Variants in VKORC1L1 observed in about 807,000 individuals in gnomAD.
VKORC1L1 encodes vitamin K epoxide reductase complex subunit 1-like protein 1.
A neutral mutation model predicts 18.9 loss-of-function variants in VKORC1L1; 2 were observed. The observed-to-expected ratio is 0.11, with a 90% CI of 0.04 to 0.33. The LOEUF (loss-of-function observed/expected upper bound fraction) is 0.33. Ranked by LOEUF, VKORC1L1 falls within the 10% of genes least tolerant of loss-of-function variation. The pLI is 1.00. For synonymous variants in VKORC1L1, 96 were observed against 100.0 expected, an observed-to-expected ratio of 0.96 and a Z score of 0.24; for missense variants, 123 against 224.1, an observed-to-expected ratio of 0.55 and a Z score of 2.88.
intron 1 of VKORC1L1, among the ~76,000 whole-genome samples, chr7:65,876,808 G>A (rs961932137): frequency 6.6e-6 from 1 of 152,284 alleles, no homozygotes; most frequent in South Asian, 2.1e-4. Flanking sequence ...AGTTTGGGAC[G>A]CTGACACCTG....
intron 1 of VKORC1L1, among the ~76,000 whole-genome samples, chr7:65,921,587 G>T (rs113013442): frequency 1.3e-5 from 2 of 152,112 alleles, no homozygotes; most frequent in East Asian, 1.9e-4. Context: ...GATGGCTCAC[G>T]CCTGCAATCC....
chr7:65,873,272 CGGAGGCGGCGGT>C lies in VKORC1L1; in HGVS notation c.-97_-86del. The C allele has an allele frequency of 5.1e-6, 5 of 989,720 alleles. No homozygotes were observed. Among genetic ancestry groups the C allele is most frequent in the South Asian group, 4.5e-5 (1 of 21,996 alleles). 61.3% of individuals were successfully genotyped at this position (989,720 alleles called of 1,614,324 possible). ...GCGGCGGCGGTGGTGGCGGCGGCGG[CGGAGGCGGCGGT>C]GGCGGCGGTGGCGGCTGGGTCGGGC... On this transcript the variant is annotated 5_prime_UTR_variant, in exon 1 of 3. Coordinates refer to ENST00000360768, the MANE Select transcript of VKORC1L1 (RefSeq NM_173517.6).
rs34648135 is a variant in VKORC1L1 at position 65,929,682 on chromosome 7, G to GTATATATATATATATATATA, written c.195-18987_195-18968dup. On this transcript the variant is annotated intron_variant, in intron 1 of 2. Coordinates refer to ENST00000360768, the MANE Select transcript of VKORC1L1 (RefSeq NM_173517.6). ...TGTGTGTGTGTGTATGTGTGTGTGT[G>GTATATATATATATATATATA]TATATATATATATATATATATGGTT... Among the ~76,000 whole-genome samples the GTATATATATATATATATATA allele has an allele frequency of 1.3e-3, 167 of 128,600 alleles. 1 individual carries two copies. Among genetic ancestry groups the GTATATATATATATATATATA allele is most frequent in the East Asian group, 1.7e-3 (7 of 4,124 alleles). The allele number at this position is 128,600 out of a possible 152,430, so 84.4% of individuals were successfully genotyped here.
At chr7:65,878,174 A>G (rs1270287513) in intron 1 of VKORC1L1, among the ~76,000 whole-genome samples, 1 of 152,262 alleles carries the variant, frequency 6.6e-6, no homozygotes, top group East Asian at 1.9e-4. Flanking sequence ...GGCTGGGCAT[A>G]GTGGTTCACG....
chr7:65,939,613 G>C (rs964461705), intron 1 of VKORC1L1, among the ~76,000 whole-genome samples: 1 of 152,212 alleles, frequency 6.6e-6, no homozygotes, highest in African/African-American at 2.4e-5. Flanking sequence ...TGAAACCAAG[G>C]TGGCTGTGGT....
intron 1 of VKORC1L1, among the ~76,000 whole-genome samples, chr7:65,928,760 A>T (rs1400166607): frequency 6.6e-6 from 1 of 152,172 alleles, no homozygotes; most frequent in Non-Finnish European, 1.5e-5. Context: ...TGGGGTGGAG[A>T]GGGTGAGGAT....
intron 1 of VKORC1L1, among the ~76,000 whole-genome samples, chr7:65,875,787 T>G (rs1393570285): frequency 6.6e-6 from 1 of 152,174 alleles, no homozygotes; most frequent in African/African-American, 2.4e-5. Flanking sequence ...GTGATTGCCA[T>G]GTAGCAGTAG....
chr7:65,893,038 C>T (rs1271856211), intron 1 of VKORC1L1, among the ~76,000 whole-genome samples: 1 of 152,210 alleles, frequency 6.6e-6, no homozygotes, highest in Non-Finnish European at 1.5e-5. Flanking sequence ...AGTGTTGCAA[C>T]AGATTGAATG....
chr7:65,925,626 C>T (rs1789748964), intron 1 of VKORC1L1, among the ~76,000 whole-genome samples: 1 of 152,116 alleles, frequency 6.6e-6, no homozygotes, highest in African/African-American at 2.4e-5. Context: ...GCAGTAAGGG[C>T]TTTGAGGTTC....
intron 2 of VKORC1L1, among the ~76,000 whole-genome samples, chr7:65,953,244 T>G (rs1333800314): frequency 1.3e-5 from 2 of 152,186 alleles, no homozygotes; most frequent in African/African-American, 4.8e-5. Context: ...TTATCAAGAG[T>G]TTCTTTTTCT....
At chr7:65,945,473 A>G (rs1055061284) in intron 1 of VKORC1L1, among the ~76,000 whole-genome samples, 76 of 151,474 alleles carry the variant, frequency 5.0e-4, no homozygotes, top group African/African-American at 1.6e-3. Context: ...TTAGCTGGGC[A>G]TGGTGGTGGG....
chr7:65,955,834 G>A lies in VKORC1L1; in HGVS notation c.*1534G>A, dbSNP rs1008332380. On this transcript the variant is annotated 3_prime_UTR_variant, in exon 3 of 3. Transcript: ENST00000360768. Reference sequence around the variant, plus strand: ...ATGTTGAAAATAGTCAATGAGACCAGTATCTCTTGAGTGCTTTATTTGCCT... The same window carrying A: ...ATGTTGAAAATAGTCAATGAGACCAATATCTCTTGAGTGCTTTATTTGCCT... The A allele has an allele frequency of 6.6e-6, 1 of 152,200 alleles. No individual in the cohort carries two copies. The highest frequency in any genetic ancestry group is 1.5e-5 in the Non-Finnish European group (1 of 68,046). 9.4% of individuals were successfully genotyped at this position (152,200 alleles called of 1,614,324 possible). A position where few individuals can be genotyped will look rare whatever the true frequency, so the allele number is the denominator to read the frequency against.
chr7:65,936,664 G>A (rs763565768), intron 1 of VKORC1L1, among the ~76,000 whole-genome samples: 103 of 152,216 alleles, frequency 6.8e-4, no homozygotes, highest in Non-Finnish European at 8.4e-4. Context: ...CCACTTGGGT[G>A]AGTCTGGGGC....
intron 1 of VKORC1L1, among the ~76,000 whole-genome samples, chr7:65,940,527 G>A (rs1158866037): frequency 1.3e-5 from 2 of 152,312 alleles, no homozygotes; most frequent in East Asian, 3.9e-4. Flanking sequence ...GGAAGATTCA[G>A]TGTGGGGAAG....
At chr7:65,952,668 C>T (rs1790230390) in intron 2 of VKORC1L1, among the ~76,000 whole-genome samples, 1 of 151,718 alleles carries the variant, frequency 6.6e-6, no homozygotes, top group African/African-American at 2.4e-5. Context: ...CATGCTCTGC[C>T]TTCTCTGTCC....
chr7:65,929,678 G>GTATATATATATATATATATATA (rs1195885947), intron 1 of VKORC1L1, among the ~76,000 whole-genome samples: 2 of 39,496 alleles, frequency 5.1e-5, no homozygotes, highest in African/African-American at 1.5e-4. Context: ...GTATGTGTGT[G>GTATATATATATATATATATATA]TGTGTATATA....
chr7:65,916,655 A>G (rs887431829), intron 1 of VKORC1L1, among the ~76,000 whole-genome samples: 3 of 151,508 alleles, frequency 2.0e-5, no homozygotes, highest in Non-Finnish European at 4.4e-5. Flanking sequence ...CTGGAGTGCA[A>G]TGGTGTAATC....
chr7:65,939,651 A>G (rs1210906829), intron 1 of VKORC1L1, among the ~76,000 whole-genome samples: 1 of 152,220 alleles, frequency 6.6e-6, no homozygotes, highest in African/African-American at 2.4e-5. Context: ...TAGGTATGGC[A>G]GAGGCAGAGG....
chr7:65,869,324 A>G (rs1481288204), upstream of VKORC1L1, among the ~76,000 whole-genome samples: 1 of 152,164 alleles, frequency 6.6e-6, no homozygotes, highest in Admixed American at 6.6e-5. Flanking sequence ...TATAAAAATA[A>G]AACTAAATAA....
Sources: allele counts gnomAD v4.1 joint callset (sites outside exome capture counted in the v4.1 genomes callset), GRCh38; gene constraint gnomAD v4.1.1; transcripts MANE v1.5; gene names NCBI Gene and HGNC (gene_info 2026-07-23, HGNC 2026-07-21).